The following PHF20L1 variants were observed in gnomAD, a reference collection of about 807,000 sequenced individuals.
The protein encoded by PHF20L1 is PHD finger protein 20 like 1.
PHF20L1 carries 44 observed loss-of-function variants against 125.5 expected under a neutral mutation model. The ratio of observed to expected loss-of-function variants is 0.35; its 90% confidence interval spans 0.28 to 0.45. The LOEUF (loss-of-function observed/expected upper bound fraction) is 0.45, where lower values mean the gene tolerates loss of function less well. Ranked by LOEUF, PHF20L1 falls within the 20% of genes least tolerant of loss-of-function variation. The probability of loss-of-function intolerance (pLI) is 1.00; values close to 1 mark genes in which losing one functional copy is unlikely to be tolerated. For synonymous variants in PHF20L1, 380 were observed against 403.1 expected, an observed-to-expected ratio of 0.94 and a Z score of 0.69; for missense variants, 1,012 against 1,217.2, an observed-to-expected ratio of 0.83 and a Z score of 2.51.
At chr8:132,799,865 T>C (rs1407137157) in intron 6 of PHF20L1, 4 of 151,944 alleles carry the variant, frequency 2.6e-5, no homozygotes, top group Non-Finnish European at 4.4e-5. Flanking sequence ...CTAATTAATA[T>C]GTAAATGCAA....
chr8:132,813,580 G>T (rs180869001), intron 9 of PHF20L1, among the ~76,000 whole-genome samples: 8 of 152,066 alleles, frequency 5.3e-5, no homozygotes, highest in Non-Finnish European at 1.0e-4. Context: ...GAAGTAAAAA[G>T]ATTTCTTGGG....
chr8:132,841,908 G>T (rs1000040964), intron 18 of PHF20L1: 1 of 152,154 alleles, frequency 6.6e-6, no homozygotes, highest in Non-Finnish European at 1.5e-5. Flanking sequence ...TTCAGCCCTA[G>T]AGTAAAAGTA....
chr8:132,799,067 A>G, intron 5 of PHF20L1, 28 bp from the exon 6 acceptor site: 1 of 1,587,252 alleles, frequency 6.3e-7, no homozygotes, highest in Non-Finnish European at 8.6e-7. Context: ...GACCTGCTAA[A>G]GTTATAGGTC....
intron 2 of PHF20L1, among the ~76,000 whole-genome samples, chr8:132,788,445 C>T (rs952057107): frequency 2.6e-5 from 4 of 152,036 alleles, no homozygotes; most frequent in Admixed American, 6.6e-5. Context: ...TAAATCTTTT[C>T]GTGAATTCTC....
intron 2 of PHF20L1, among the ~76,000 whole-genome samples, chr8:132,783,854 A>G (rs1830710065): frequency 6.6e-6 from 1 of 152,204 alleles, no homozygotes; most frequent in South Asian, 2.1e-4. Flanking sequence ...GAAAACGTAT[A>G]CATGACCTCT....
chr8:132,805,333 T>G (rs1173894153), intron 8 of PHF20L1, among the ~76,000 whole-genome samples: 1 of 151,930 alleles, frequency 6.6e-6, no homozygotes, highest in Non-Finnish European at 1.5e-5. Context: ...ATAGCAGTGT[T>G]AGGCTGTTAG....
intron 12 of PHF20L1, among the ~76,000 whole-genome samples, chr8:132,822,965 A>G (rs1193097962): frequency 6.6e-6 from 1 of 151,998 alleles, no homozygotes; most frequent in African/African-American, 2.4e-5. Flanking sequence ...TTTTTCTTAG[A>G]TGAACACTAG....
chr8:132,797,603 T>C (rs960592103), intron 4 of PHF20L1, among the ~76,000 whole-genome samples: 1 of 152,040 alleles, frequency 6.6e-6, no homozygotes, highest in Non-Finnish European at 1.5e-5. Context: ...TACACAGAGT[T>C]TGGCATTCTC....
chr8:132,806,053 A>T (rs1833654524), intron 8 of PHF20L1, among the ~76,000 whole-genome samples: 1 of 151,858 alleles, frequency 6.6e-6, no homozygotes, highest in Non-Finnish European at 1.5e-5. Flanking sequence ...AGTATTTCTA[A>T]CTCCTGTGAT....
chr8:132,786,271 G>A (rs959940843), intron 2 of PHF20L1, among the ~76,000 whole-genome samples: 4 of 152,012 alleles, frequency 2.6e-5, no homozygotes, highest in Non-Finnish European at 2.9e-5. Flanking sequence ...ATAATGTGAT[G>A]TATCATACTT....
In PHF20L1 at chr8:132,846,225, C is replaced by G. The variant is rs1170300255; in HGVS notation, c.*302C>G. The G allele has an allele frequency of 1.4e-5, 3 of 213,722 alleles. No individual in the cohort carries two copies. Among genetic ancestry groups the G allele is most frequent in the Admixed American group, 5.5e-5 (1 of 18,272 alleles). The allele number at this position is 213,722 out of a possible 1,614,324, so 13.2% of individuals were successfully genotyped here. Reference sequence around the variant, plus strand: ...AGTTCTCAGAATTTTTGAGTAGTTGCTTACGTGAAGCTCAAGATACCTGTA... The same window carrying G: ...AGTTCTCAGAATTTTTGAGTAGTTGGTTACGTGAAGCTCAAGATACCTGTA... On this transcript the variant is annotated 3_prime_UTR_variant, in exon 21 of 21. Coordinates refer to ENST00000395386, the MANE Select transcript of PHF20L1 (RefSeq NM_016018.5).
intron 18 of PHF20L1, among the ~76,000 whole-genome samples, chr8:132,840,502 T>G (rs1185560668): frequency 6.6e-6 from 1 of 152,140 alleles, no homozygotes; most frequent in Non-Finnish European, 1.5e-5. Flanking sequence ...CAGCTTGTCT[T>G]TCTCCAACTT....
Position 132,836,614 on chromosome 8 carries a change from G to T in PHF20L1, c.1984G>T (p.Asp662Tyr). ...TCTGAGTGGGGATGAATACAATCAGGACTTTGATTCAACCAATTTTGAGGA... is the reference window on the plus strand; with the variant it reads ...TCTGAGTGGGGATGAATACAATCAGTACTTTGATTCAACCAATTTTGAGGA... ...LLLSGDEYNQDFDSTNFEESQ... is the reference protein window; with the variant it reads ...LLLSGDEYNQYFDSTNFEESQ... The change falls in exon 16 of 21, where the codon GAC (aspartate) becomes TAC (tyrosine). Residue 662 changes from aspartate to tyrosine, a missense_variant. Around this residue, in one of 7 missense-constraint regions of PHF20L1, gnomAD observed 320 missense variants for 293.8 expected, o/e 1.09. Transcript: ENST00000395386. 6.2e-7 allele frequency: 1 copy of T among 1,611,596 alleles called. No homozygotes were observed. The highest frequency in any genetic ancestry group is 8.5e-7 in the Non-Finnish European group (1 of 1,177,960).
intron 2 of PHF20L1, among the ~76,000 whole-genome samples, chr8:132,779,548 T>C (rs1183286788): frequency 6.6e-6 from 1 of 152,256 alleles, no homozygotes; most frequent in Admixed American, 6.5e-5. Flanking sequence ...TTGTGACTTA[T>C]TTAATTCATA....
chr8:132,804,090 G>A (rs1436988962), intron 7 of PHF20L1, 58 bp downstream of exon 7: 1 of 1,141,464 alleles, frequency 8.8e-7, no homozygotes, highest in South Asian at 1.3e-5. Flanking sequence ...ATGTAGTAAA[G>A]TCAAATCCCT....
At chr8:132,841,157 T>C (rs1837891815) in intron 18 of PHF20L1, among the ~76,000 whole-genome samples, 1 of 152,132 alleles carries the variant, frequency 6.6e-6, no homozygotes, top group Admixed American at 6.6e-5. Flanking sequence ...AGGCCCTCTT[T>C]ATGTTAATAT....
At chr8:132,788,534 C>G (rs1038752198) in intron 2 of PHF20L1, among the ~76,000 whole-genome samples, 1 of 151,696 alleles carries the variant, frequency 6.6e-6, no homozygotes, top group Non-Finnish European at 1.5e-5. Context: ...GTTATCAACT[C>G]TATCTTAAGT....
chr8:132,812,169 A>G (rs1834470036), intron 9 of PHF20L1: 1 of 980,762 alleles, frequency 1.0e-6, no homozygotes, highest in Non-Finnish European at 1.2e-6. Flanking sequence ...CAATATATCA[A>G]CCAAATTTTA....
chr8:132,776,142 T>C (rs1212855954), intron 1 of PHF20L1, among the ~76,000 whole-genome samples: 2 of 152,220 alleles, frequency 1.3e-5, no homozygotes, highest in Middle Eastern at 3.2e-3. Context: ...TTACTCCCAG[T>C]AGACTGTCTT....
Sources: allele counts gnomAD v4.1 joint callset (sites outside exome capture counted in the v4.1 genomes callset), GRCh38; gene constraint gnomAD v4.1.1; regional missense constraint gnomAD v4.1.1; transcripts MANE v1.5; gene names NCBI Gene and HGNC (gene_info 2026-07-23, HGNC 2026-07-21).